The following LRRC4C variants were observed in gnomAD, a reference collection of about 807,000 sequenced individuals.
LRRC4C encodes leucine-rich repeat-containing protein 4C.
A neutral mutation model predicts 33.6 loss-of-function variants in LRRC4C; 5 were observed. That is an observed-to-expected ratio of 0.15 (90% confidence interval 0.08 to 0.31). The LOEUF (loss-of-function observed/expected upper bound fraction) is 0.31, where lower values mean the gene tolerates loss of function less well. LRRC4C is among the 10% of genes least tolerant of loss of function. LRRC4C has a pLI of 1.00. For missense variants in LRRC4C, 560 were observed against 796.7 expected, an observed-to-expected ratio of 0.70 and a Z score of 3.58; for synonymous variants, 329 against 302.0, an observed-to-expected ratio of 1.09 and a Z score of -0.93.
intron 3 of LRRC4C, among the ~76,000 whole-genome samples, chr11:40,544,382 C>G (rs1025145858): frequency 1.3e-5 from 2 of 152,158 alleles, no homozygotes; most frequent in African/African-American, 4.8e-5. Context: ...CATTCTGGCC[C>G]ACTGTTCTTT....
At chr11:40,984,399 GA>G in intron 1 of LRRC4C, among the ~76,000 whole-genome samples, 1 of 85,326 alleles carries the variant, frequency 1.2e-5, no homozygotes. Context: ...AAGAAAGAAA[GA>G]AAGAAAGAAA....
intron 1 of LRRC4C, among the ~76,000 whole-genome samples, chr11:41,215,442 C>T (rs576276353): frequency 7.2e-6 from 1 of 138,190 alleles, no homozygotes; most frequent in African/African-American, 2.7e-5. Context: ...GAGCTGAGAT[C>T]ATACCACTGC....
intron 1 of LRRC4C, among the ~76,000 whole-genome samples, chr11:41,023,157 T>C (rs1454830130): frequency 6.6e-6 from 1 of 151,876 alleles, no homozygotes; most frequent in Non-Finnish European, 1.5e-5. Context: ...CCTGGCCCTG[T>C]CTTTTACTGG....
At chr11:41,177,847 G>A (rs1945272954) in intron 1 of LRRC4C, among the ~76,000 whole-genome samples, 1 of 152,172 alleles carries the variant, frequency 6.6e-6, no homozygotes, top group African/African-American at 2.4e-5. Flanking sequence ...GGAAAATGCA[G>A]TAACTGTTTA....
chr11:40,867,933 C>T (rs1472798309), intron 2 of LRRC4C, among the ~76,000 whole-genome samples: 1 of 152,122 alleles, frequency 6.6e-6, no homozygotes, highest in Non-Finnish European at 1.5e-5. Context: ...ACCCATGTGA[C>T]TCCAGAATTT....
intron 1 of LRRC4C, among the ~76,000 whole-genome samples, chr11:41,093,950 A>C (rs1353469683): frequency 1.5e-4 from 21 of 143,550 alleles, no homozygotes; most frequent in East Asian, 6.3e-4. Flanking sequence ...AAAAAAAAAA[A>C]CACACAAAAA....
At chr11:40,706,915 G>A (rs1305028348) in intron 2 of LRRC4C, among the ~76,000 whole-genome samples, 1 of 152,118 alleles carries the variant, frequency 6.6e-6, no homozygotes, top group African/African-American at 2.4e-5. Flanking sequence ...TCTCCTTGAA[G>A]AGGTCCTTCA....
At chr11:40,841,088 T>A (rs1952891900) in intron 2 of LRRC4C, among the ~76,000 whole-genome samples, 1 of 152,226 alleles carries the variant, frequency 6.6e-6, no homozygotes, top group Non-Finnish European at 1.5e-5. Flanking sequence ...TTAAAGAATA[T>A]CCACTGCATC....
intron 1 of LRRC4C, among the ~76,000 whole-genome samples, chr11:41,154,298 T>C (rs1336804517): frequency 6.6e-6 from 1 of 152,176 alleles, no homozygotes; most frequent in Non-Finnish European, 1.5e-5. Flanking sequence ...AAAGATTTCT[T>C]ATCCTGTCTT....
chr11:40,707,976 T>C (rs1946254799), intron 2 of LRRC4C, among the ~76,000 whole-genome samples: 1 of 152,222 alleles, frequency 6.6e-6, no homozygotes, highest in Non-Finnish European at 1.5e-5. Flanking sequence ...CCATTTCTTC[T>C]AGATTTTCTA....
At chr11:40,480,632 A>C (rs1953506080) in intron 3 of LRRC4C, among the ~76,000 whole-genome samples, 1 of 152,058 alleles carries the variant, frequency 6.6e-6, no homozygotes, top group South Asian at 2.1e-4. Flanking sequence ...ATAAACATCA[A>C]AAAAGAAAAT....
chr11:40,768,683 C>A (rs1269478220), intron 2 of LRRC4C, among the ~76,000 whole-genome samples: 2 of 152,030 alleles, frequency 1.3e-5, no homozygotes, highest in Non-Finnish European at 2.9e-5. Flanking sequence ...GATGATTCAT[C>A]ATATGCAAAT....
intron 1 of LRRC4C, among the ~76,000 whole-genome samples, chr11:41,309,247 C>A (rs1950585054): frequency 6.6e-6 from 1 of 152,146 alleles, no homozygotes; most frequent in Non-Finnish European, 1.5e-5. Flanking sequence ...CTCTCTGAAG[C>A]CACATGGGTT....
chr11:40,493,853 C>A (rs1020946643), intron 3 of LRRC4C, among the ~76,000 whole-genome samples: 3 of 152,058 alleles, frequency 2.0e-5, no homozygotes, highest in Admixed American at 2.0e-4. Flanking sequence ...TCTCTCAGCC[C>A]CCCTAAATCT....
intron 1 of LRRC4C, among the ~76,000 whole-genome samples, chr11:41,267,797 A>G (rs1282046774): frequency 6.6e-6 from 1 of 152,152 alleles, no homozygotes; most frequent in African/African-American, 2.4e-5. Flanking sequence ...GGATAATAAT[A>G]GTACCCACCA....
intron 2 of LRRC4C, among the ~76,000 whole-genome samples, chr11:40,663,510 A>C (rs564654243): frequency 1.1e-4 from 17 of 152,362 alleles, no homozygotes; most frequent in African/African-American, 3.8e-4. Context: ...AGAAATGTCA[A>C]AATGTTGGAT....
rs1193416166 is a variant in LRRC4C at position 41,220,557 on chromosome 11, C to CACACAT, written c.-496+238873_-496+238874insATGTGT. On this transcript the variant is annotated intron_variant, in intron 1 of 6. Transcript: ENST00000528697. Reference sequence around the variant, plus strand: ...ATACACACACACACACACACACACACACACAATTCTACACGTCTGAAAGTA... The same window carrying CACACAT: ...ATACACACACACACACACACACACACACACATACACAATTCTACACGTCTGAAAGTA... 3.4e-3 allele frequency among the ~76,000 whole-genome samples: 509 copies of CACACAT among 151,050 alleles called. 3 individuals carry two copies. Among genetic ancestry groups the CACACAT allele is most frequent in the African/African-American group, 0.011 (464 of 41,070 alleles).
chr11:40,459,653 G>T (rs1381727377), intron 3 of LRRC4C, among the ~76,000 whole-genome samples: 1 of 152,166 alleles, frequency 6.6e-6, no homozygotes, highest in Non-Finnish European at 1.5e-5. Context: ...AACCGGAGCA[G>T]ATACATTAGA....
At chr11:41,148,626 T>C (rs1387099094) in intron 1 of LRRC4C, among the ~76,000 whole-genome samples, 1 of 151,948 alleles carries the variant, frequency 6.6e-6, no homozygotes, top group Non-Finnish European at 1.5e-5. Flanking sequence ...ATTGGTAAAC[T>C]ACCCGGGAAA....
Sources: allele counts gnomAD v4.1 joint callset (sites outside exome capture counted in the v4.1 genomes callset), GRCh38; gene constraint gnomAD v4.1.1; transcripts MANE v1.5; gene names NCBI Gene and HGNC (gene_info 2026-07-23, HGNC 2026-07-21).